PLPPR1: variants seen among roughly 807,000 people sequenced by gnomAD.
PLPPR1 encodes phospholipid phosphatase-related protein type 1.
In PLPPR1, 10 loss-of-function variants were observed where a neutral mutation model predicts 33.1. That is an observed-to-expected ratio of 0.30 (90% CI 0.19 to 0.51). PLPPR1 has a LOEUF of 0.51. PLPPR1 is among the 20% of genes least tolerant of loss of function. PLPPR1 has a pLI of 0.97. For missense variants in PLPPR1, 304 were observed against 408.1 expected, an observed-to-expected ratio of 0.74 and a Z score of 2.20; for synonymous variants, 151 against 151.0, an observed-to-expected ratio of 1.00 and a Z score of 0.00.
At chr9:101,161,250 C>T (rs929419124) in intron 1 of PLPPR1, among the ~76,000 whole-genome samples, 1 of 152,090 alleles carries the variant, frequency 6.6e-6, no homozygotes, top group Non-Finnish European at 1.5e-5. Context: ...CTCAGTTACT[C>T]TAAGATGTTC....
intron 1 of PLPPR1, among the ~76,000 whole-genome samples, chr9:101,111,245 C>A (rs996927538): frequency 2.6e-5 from 4 of 152,124 alleles, no homozygotes; most frequent in Non-Finnish European, 5.9e-5. Flanking sequence ...AGAAAATAAG[C>A]AATTCAAGTC....
intron 2 of PLPPR1, among the ~76,000 whole-genome samples, chr9:101,254,773 A>G (rs568058944): frequency 6.9e-4 from 105 of 152,272 alleles, no homozygotes; most frequent in African/African-American, 2.4e-3. Flanking sequence ...GTAATATTCC[A>G]TCATAGGCAG....
At chr9:101,232,951 C>T (rs868696158) in intron 2 of PLPPR1, among the ~76,000 whole-genome samples, 1 of 152,008 alleles carries the variant, frequency 6.6e-6, no homozygotes, top group Admixed American at 6.6e-5. Context: ...AAATATGTGT[C>T]TGATCCTACA....
At chr9:101,116,948 T>C (rs762520187) in intron 1 of PLPPR1, among the ~76,000 whole-genome samples, 7 of 152,328 alleles carry the variant, frequency 4.6e-5, no homozygotes, top group Middle Eastern at 3.4e-3. Flanking sequence ...TACTGATGCT[T>C]TCTGACCAGG....
At chr9:101,182,540 TGGGAAC>T (rs1394250637) in intron 1 of PLPPR1, among the ~76,000 whole-genome samples, 1 of 151,738 alleles carries the variant, frequency 6.6e-6, no homozygotes, top group Non-Finnish European at 1.5e-5. Context: ...AGACAGCTAA[TGGGAAC>T]AGGGCTTGCT....
chr9:101,285,357 T>C (rs1490965171), intron 3 of PLPPR1, among the ~76,000 whole-genome samples: 1 of 151,952 alleles, frequency 6.6e-6, no homozygotes, highest in Non-Finnish European at 1.5e-5. Context: ...GGGTAACATA[T>C]ATTTATTAGT....
At chr9:101,235,962 A>T (rs2118831770) in intron 2 of PLPPR1, among the ~76,000 whole-genome samples, 1 of 151,994 alleles carries the variant, frequency 6.6e-6, no homozygotes, top group East Asian at 1.9e-4. Context: ...GGGAACCAGA[A>T]CTATTTGATT....
At chr9:101,156,552 C>CAAAAAAAAAAAAAAAAA (rs1162056636) in intron 1 of PLPPR1, among the ~76,000 whole-genome samples, 11 of 71,282 alleles carry the variant, frequency 1.5e-4, no homozygotes, top group Admixed American at 3.1e-4. Flanking sequence ...ACCCTGTCTC[C>CAAAAAAAAAAAAAAAAA]AAAAAAAAAA....
At chr9:101,269,301 TA>T (rs1564022564) in intron 2 of PLPPR1, among the ~76,000 whole-genome samples, 1 of 152,172 alleles carries the variant, frequency 6.6e-6, no homozygotes, top group Non-Finnish European at 1.5e-5. Context: ...TGGAAAAAGA[TA>T]AAAGTTATGA....
At chr9:101,051,970 A>G (rs749599426) in intron 1 of PLPPR1, among the ~76,000 whole-genome samples, 8 of 152,204 alleles carry the variant, frequency 5.3e-5, no homozygotes, top group Non-Finnish European at 1.0e-4. Flanking sequence ...TAAGAATTCA[A>G]TGGTAGGTAA....
chr9:101,125,541 G>T, intron 1 of PLPPR1: 1 of 451,038 alleles, frequency 2.2e-6, no homozygotes, highest in South Asian at 2.1e-5. Context: ...AGATTGAAGG[G>T]AATAGGAAGT....
At chr9:101,030,466 T>C (rs1829931778) in intron 1 of PLPPR1, among the ~76,000 whole-genome samples, 1 of 151,464 alleles carries the variant, frequency 6.6e-6, no homozygotes, top group Non-Finnish European at 1.5e-5. Context: ...GTAAAAGACT[T>C]CACTATTTCT....
At chr9:101,161,974 G>A (rs577072452) in intron 1 of PLPPR1, among the ~76,000 whole-genome samples, 15 of 152,034 alleles carry the variant, frequency 9.9e-5, no homozygotes, top group Non-Finnish European at 1.8e-4. Context: ...GAGCTAGCAC[G>A]GTAAAGTAGG....
At position 101,286,240 on chromosome 9, in the gene PLPPR1, A is replaced by G. The variant is rs762705056; in HGVS notation, c.385+4A>G. On this transcript the variant is annotated splice_donor_region_variant and intron_variant, in intron 4 of 7. Coordinates refer to ENST00000374874, the MANE Select transcript of PLPPR1 (RefSeq NM_207299.2). ...CGAAGGATCATAAGATTCACAGGTG[A>G]GTACAAGATGGTGCTGAACTAAGCT... The G allele has an allele frequency of 6.2e-7, 1 of 1,611,258 alleles. No homozygotes were observed. Among genetic ancestry groups the G allele is most frequent in the African/African-American group, 1.3e-5 (1 of 74,778 alleles).
At chr9:101,175,729 A>T (rs1826009779) in intron 1 of PLPPR1, among the ~76,000 whole-genome samples, 1 of 152,176 alleles carries the variant, frequency 6.6e-6, no homozygotes, top group Non-Finnish European at 1.5e-5. Context: ...GGTATTTTGA[A>T]ACCTTTGTCA....
intron 1 of PLPPR1, among the ~76,000 whole-genome samples, chr9:101,093,511 C>A (rs1437634250): frequency 6.6e-6 from 1 of 152,198 alleles, no homozygotes; most frequent in Non-Finnish European, 1.5e-5. Context: ...AGAATGTCAG[C>A]CTTCTGCCTA....
At chr9:101,272,359 T>C (rs13289023) in intron 3 of PLPPR1, among the ~76,000 whole-genome samples, 59,405 of 151,998 alleles carry the variant, frequency 0.39, 11,576 homozygotes, top group Middle Eastern at 0.45. Context: ...AATGAAAAAC[T>C]TTTCCGTGCA....
At chr9:101,298,991 G>T (rs1051029164) in intron 4 of PLPPR1, among the ~76,000 whole-genome samples, 1 of 152,160 alleles carries the variant, frequency 6.6e-6, no homozygotes, top group Non-Finnish European at 1.5e-5. Context: ...AGGGAACCAG[G>T]CCAGCTCCAT....
In PLPPR1 at chr9:101,324,248, G is replaced by A; in HGVS notation, c.*191G>A. 3 of 434,924 alleles carry A rather than the reference G, an allele frequency of 6.9e-6. No homozygotes were observed. The highest frequency in any genetic ancestry group is 1.2e-5 in the Non-Finnish European group (3 of 251,672). 26.9% of individuals were successfully genotyped at this position (434,924 alleles called of 1,614,324 possible). On this transcript the variant is annotated 3_prime_UTR_variant, in exon 8 of 8. Coordinates refer to ENST00000374874, the MANE Select transcript of PLPPR1 (RefSeq NM_207299.2). ...GATTTTTTTTTTTTTTTTTTGGTCA[G>A]CTTTAATATATTTATGCCAGAATTT... is the stretch of plus-strand genomic sequence containing the variant.
Sources: allele counts gnomAD v4.1 joint callset (sites outside exome capture counted in the v4.1 genomes callset), GRCh38; gene constraint gnomAD v4.1.1; transcripts MANE v1.5; gene names NCBI Gene and HGNC (gene_info 2026-07-23, HGNC 2026-07-21).